The following CDK17 variants were observed in gnomAD, a reference collection of about 807,000 sequenced individuals.
The protein encoded by CDK17 is cyclin dependent kinase 17, also known as cyclin-dependent kinase 17.
Under a neutral mutation model 77.6 loss-of-function variants are expected in CDK17, and 24 were observed. That is an observed-to-expected ratio of 0.31 (90% confidence interval 0.22 to 0.44). The LOEUF (loss-of-function observed/expected upper bound fraction) is 0.44, where lower values mean the gene tolerates loss of function less well. CDK17 is among the 20% of genes least tolerant of loss of function. CDK17 has a pLI of 1.00. For missense variants in CDK17, 429 were observed against 622.5 expected, an observed-to-expected ratio of 0.69 and a Z score of 3.31; for synonymous variants, 203 against 210.4, an observed-to-expected ratio of 0.96 and a Z score of 0.30.
chr12:96,315,792 G>A (rs1262454785), intron 3 of CDK17, among the ~76,000 whole-genome samples: 1 of 152,166 alleles, frequency 6.6e-6, no homozygotes, highest in Non-Finnish European at 1.5e-5. Flanking sequence ...TGCTGATGTT[G>A]ATGAGAAGGT....
At position 96,368,712 on chromosome 12, in the gene CDK17, T is replaced by C. The variant is rs889568261; in HGVS notation, c.-30+31274A>G. Among the ~76,000 whole-genome samples, 4 of 150,032 alleles carry C rather than the reference T, an allele frequency of 2.7e-5. No homozygotes were observed. In the East Asian group the frequency reaches 8.0e-4, roughly 30 times the overall value. ...CTAGAAAATGAAGTATTTTGACACT[T>C]TGATATGAAACCATAATACTGGCTC... On this transcript the variant is annotated intron_variant, in intron 1 of 16. Coordinates refer to ENST00000261211, the MANE Select transcript of CDK17 (RefSeq NM_002595.5).
chr12:96,298,119 T>TA (rs1952438086), intron 7 of CDK17, among the ~76,000 whole-genome samples: 1 of 151,716 alleles, frequency 6.6e-6, no homozygotes, highest in African/African-American at 2.4e-5. Context: ...CCGTCTCTAC[T>TA]AAAAAATACA....
chr12:96,333,342 C>A (rs1010183741), intron 2 of CDK17, among the ~76,000 whole-genome samples: 4 of 151,960 alleles, frequency 2.6e-5, no homozygotes, highest in African/African-American at 4.8e-5. Context: ...TCCTACTGAG[C>A]CCATCCCTCT....
chr12:96,341,154 T>G (rs933408420), intron 1 of CDK17, among the ~76,000 whole-genome samples: 1 of 152,190 alleles, frequency 6.6e-6, no homozygotes, highest in Non-Finnish European at 1.5e-5. Flanking sequence ...GAGGCCATCA[T>G]CCTACGCTAT....
intron 2 of CDK17, among the ~76,000 whole-genome samples, chr12:96,329,438 A>G (rs1952936409): frequency 6.6e-6 from 1 of 152,190 alleles, no homozygotes; most frequent in African/African-American, 2.4e-5. Context: ...GATTCCACTA[A>G]GAAACGTTAT....
intron 1 of CDK17, among the ~76,000 whole-genome samples, chr12:96,346,463 A>C (rs1395143080): frequency 6.6e-5 from 10 of 151,832 alleles, no homozygotes; most frequent in African/African-American, 2.4e-4. Flanking sequence ...AAAAATAAAT[A>C]AATAAATAAA....
At chr12:96,383,381 T>C (rs1248533541) in intron 1 of CDK17, among the ~76,000 whole-genome samples, 1 of 141,484 alleles carries the variant, frequency 7.1e-6, no homozygotes, top group African/African-American at 2.7e-5. Context: ...AAACTATCAA[T>C]GTAATTCTTC....
chr12:96,290,480 T>A (rs1266786231), intron 10 of CDK17, among the ~76,000 whole-genome samples: 1 of 152,108 alleles, frequency 6.6e-6, no homozygotes, highest in Non-Finnish European at 1.5e-5. Flanking sequence ...ACAGAAACAA[T>A]GTCAGAAATT....
intron 2 of CDK17, among the ~76,000 whole-genome samples, chr12:96,325,641 CA>C (rs1458664052): frequency 6.6e-6 from 1 of 152,226 alleles, no homozygotes; most frequent in Non-Finnish European, 1.5e-5. Context: ...GGGTCAAAGA[CA>C]GACTGGAGGT....
chr12:96,296,022 C>A (rs1211820936), intron 9 of CDK17, among the ~76,000 whole-genome samples: 1 of 152,178 alleles, frequency 6.6e-6, no homozygotes, highest in African/African-American at 2.4e-5. Context: ...TGAATGAATT[C>A]TCTGTGCCAG....
intron 1 of CDK17, among the ~76,000 whole-genome samples, chr12:96,374,255 C>T (rs1205843421): frequency 6.6e-6 from 1 of 152,156 alleles, no homozygotes. Flanking sequence ...ACACATTTTC[C>T]CACTAGGCAA....
intron 1 of CDK17, among the ~76,000 whole-genome samples, chr12:96,350,501 A>T (rs1467899602): frequency 6.6e-6 from 1 of 152,194 alleles, no homozygotes; most frequent in Non-Finnish European, 1.5e-5. Context: ...ACAATAATCA[A>T]AACATTATGG....
chr12:96,309,851 T>C (rs117512080), intron 5 of CDK17, among the ~76,000 whole-genome samples: 3,687 of 152,252 alleles, frequency 0.024, 72 homozygotes, highest in Non-Finnish European at 0.037. Flanking sequence ...TTATCAAAAG[T>C]TGGCAAGGAG....
rs1417494363 is a variant in CDK17 at position 96,400,089 on chromosome 12, G to A, written c.-133C>T. 7.7e-6 allele frequency: 3 copies of A among 391,174 alleles called. No individual in the cohort carries two copies. Among genetic ancestry groups the A allele is most frequent in the East Asian group, 7.3e-5 (2 of 27,546 alleles). The allele number at this position is 391,174 out of a possible 1,614,324, so 24.2% of individuals were successfully genotyped here. A position where few individuals can be genotyped will look rare whatever the true frequency, so the allele number is the denominator to read the frequency against. On this transcript the variant is annotated 5_prime_UTR_variant, in exon 1 of 17. Transcript: ENST00000261211. ...CGACCGGATGCAAGTCCGGGTCTCA[G>A]CGGCCGGCAGACGTGAGGCGCTTCC...
chr12:96,296,936 C>G (rs1036150585), intron 9 of CDK17, among the ~76,000 whole-genome samples: 1 of 151,950 alleles, frequency 6.6e-6, no homozygotes, highest in African/African-American at 2.4e-5. Flanking sequence ...TTAAAGAAGG[C>G]CTTTCACAGA....
chr12:96,305,643 A>G (rs1199553206), intron 5 of CDK17, among the ~76,000 whole-genome samples: 1 of 152,214 alleles, frequency 6.6e-6, no homozygotes, highest in Non-Finnish European at 1.5e-5. Context: ...AAAACAAAAA[A>G]GAACAGAATG....
chr12:96,287,275 C>T (rs577985647), intron 11 of CDK17, among the ~76,000 whole-genome samples: 4 of 151,910 alleles, frequency 2.6e-5, no homozygotes, highest in East Asian at 3.9e-4. Context: ...TGGTACAAGG[C>T]GGTGTGTGTA....
At chr12:96,306,558 T>A (rs1952580101) in intron 5 of CDK17, among the ~76,000 whole-genome samples, 1 of 152,068 alleles carries the variant, frequency 6.6e-6, no homozygotes, top group Non-Finnish European at 1.5e-5. Flanking sequence ...AAAAATGAAG[T>A]CTAGTACATG....
At chr12:96,307,968 T>C (rs1952597986) in intron 5 of CDK17, among the ~76,000 whole-genome samples, 1 of 152,190 alleles carries the variant, frequency 6.6e-6, no homozygotes, top group Admixed American at 6.5e-5. Flanking sequence ...TGTTATACTT[T>C]TTACCATATT....
Sources: allele counts gnomAD v4.1 joint callset (sites outside exome capture counted in the v4.1 genomes callset), GRCh38; gene constraint gnomAD v4.1.1; transcripts MANE v1.5; gene names NCBI Gene and HGNC (gene_info 2026-07-23, HGNC 2026-07-21).